The following SUMF1 variants were observed in gnomAD, a reference collection of about 807,000 sequenced individuals.
SUMF1 encodes the protein formylglycine-generating enzyme.
SUMF1 carries 48 observed loss-of-function variants against 47.6 expected under a neutral mutation model. That is an observed-to-expected ratio of 1.01 (90% confidence interval 0.80 to 1.28). The LOEUF is 1.28. Ranked by LOEUF, SUMF1 falls within the 50% of genes most tolerant of loss-of-function variation. The pLI, the probability that SUMF1 is intolerant of heterozygous loss-of-function variation, is 0.00. For synonymous variants in SUMF1, 230 were observed against 192.1 expected (o/e 1.20, Z -1.63); for missense variants, 571 against 485.4 (o/e 1.18, Z -1.66).
chr3:4,273,127 T>C (rs114097816), intron 8 of SUMF1, among the ~76,000 whole-genome samples: 7,944 of 148,088 alleles, frequency 0.054, 242 homozygotes, highest in South Asian at 0.09. Flanking sequence ...TACACACACA[T>C]ATATATATAT....
At chr3:4,368,002 A>G (rs79235972) in intron 8 of SUMF1, among the ~76,000 whole-genome samples, 88,453 of 151,366 alleles carry the variant, frequency 0.58, 26,221 homozygotes, top group East Asian at 0.76. Context: ...TAATTAAACT[A>G]AAGAGCTTCT....
At chr3:4,124,905 G>A (rs1305763750) in intron 8 of SUMF1, among the ~76,000 whole-genome samples, 3 of 151,716 alleles carry the variant, frequency 2.0e-5, no homozygotes, top group African/African-American at 4.8e-5. Flanking sequence ...TCTATAATGT[G>A]GTACATATAA....
At chr3:4,356,536 A>G (rs1211328789), downstream of SUMF1, among the ~76,000 whole-genome samples, 2 of 152,020 alleles carry the variant, frequency 1.3e-5, no homozygotes, top group Non-Finnish European at 2.9e-5. Flanking sequence ...TTGCTAGTAC[A>G]TTACTTACTT....
chr3:4,090,054 G>T (rs551385459), intron 8 of SUMF1, among the ~76,000 whole-genome samples: 1 of 152,232 alleles, frequency 6.6e-6, no homozygotes, highest in East Asian at 1.9e-4. Context: ...GACCACATAT[G>T]ATTTTGTTGA....
chr3:4,192,840 C>CCAGAGT (rs1695349616), intron 8 of SUMF1, among the ~76,000 whole-genome samples: 1 of 151,984 alleles, frequency 6.6e-6, no homozygotes, highest in Non-Finnish European at 1.5e-5. Flanking sequence ...CTCTGGATGC[C>CCAGAGT]AAGGCTCAGG....
chr3:4,234,924 T>A (rs975113207), intron 8 of SUMF1, among the ~76,000 whole-genome samples: 1 of 152,166 alleles, frequency 6.6e-6, no homozygotes, highest in Non-Finnish European at 1.5e-5. Flanking sequence ...TATGTAGATG[T>A]GTGTGTGTAT....
At chr3:4,363,469 T>TAG (rs1354445421) in intron 8 of SUMF1, among the ~76,000 whole-genome samples, 3 of 151,884 alleles carry the variant, frequency 2.0e-5, no homozygotes, top group African/African-American at 7.3e-5. Flanking sequence ...CTAGGTATTT[T>TAG]ATTCTCTTTG....
At chr3:4,213,914 T>C (rs763969103) in intron 8 of SUMF1, among the ~76,000 whole-genome samples, 1 of 152,122 alleles carries the variant, frequency 6.6e-6, no homozygotes, top group Admixed American at 6.5e-5. Flanking sequence ...ATAAAGCAAG[T>C]TCTTAGAGAC....
At chr3:4,283,983 A>C (rs535010974) in intron 8 of SUMF1, among the ~76,000 whole-genome samples, 5 of 152,280 alleles carry the variant, frequency 3.3e-5, no homozygotes, top group African/African-American at 1.2e-4. Context: ...ATCATCTTCC[A>C]AATGTCTCAC....
At chr3:4,319,839 C>T (rs969110907) in intron 8 of SUMF1, among the ~76,000 whole-genome samples, 1 of 152,142 alleles carries the variant, frequency 6.6e-6, no homozygotes, top group Non-Finnish European at 1.5e-5. Flanking sequence ...AATGAGCTAT[C>T]GAGCCACAGA....
chr3:4,274,001 T>G (rs148181568), intron 8 of SUMF1, among the ~76,000 whole-genome samples: 239 of 152,048 alleles, frequency 1.6e-3, no homozygotes, highest in African/African-American at 5.5e-3. Context: ...ACCTCAATGT[T>G]TAGCATCTAA....
intron 7 of SUMF1, among the ~76,000 whole-genome samples, chr3:4,400,211 T>G (rs535345734): frequency 1.3e-5 from 2 of 152,280 alleles, no homozygotes; most frequent in African/African-American, 4.8e-5. Flanking sequence ...TGGATGCAAC[T>G]AAGGGAGCCA....
At chr3:4,158,444 A>G (rs920402954) in intron 8 of SUMF1, among the ~76,000 whole-genome samples, 3 of 151,544 alleles carry the variant, frequency 2.0e-5, no homozygotes, top group African/African-American at 7.3e-5. Context: ...ATAAAATGTT[A>G]TATAAATATC....
chr3:4,418,383 G>A (rs1460230762), intron 4 of SUMF1, among the ~76,000 whole-genome samples: 3 of 152,184 alleles, frequency 2.0e-5, no homozygotes, highest in Admixed American at 1.3e-4. Context: ...TTGTAGGCTC[G>A]GATTCCCACA....
intron 8 of SUMF1, among the ~76,000 whole-genome samples, chr3:4,240,869 T>C (rs1696522046): frequency 6.6e-6 from 1 of 151,956 alleles, no homozygotes; most frequent in Non-Finnish European, 1.5e-5. Flanking sequence ...AAGATTTTTT[T>C]CCTACGGAAC....
chr3:4,363,272 T>C (rs1201836340), intron 8 of SUMF1, among the ~76,000 whole-genome samples: 1 of 152,230 alleles, frequency 6.6e-6, no homozygotes, highest in Non-Finnish European at 1.5e-5. Flanking sequence ...TATCATTTAA[T>C]GCCAGTAGAT....
At chr3:4,332,666 A>T (rs112713385) in intron 8 of SUMF1, among the ~76,000 whole-genome samples, 1,664 of 152,268 alleles carry the variant, frequency 0.011, 22 homozygotes, top group African/African-American at 0.037. Flanking sequence ...GTATTTTGGA[A>T]TTTTGGCTTA....
At chr3:4,132,632 C>T (rs1262631458) in intron 8 of SUMF1, among the ~76,000 whole-genome samples, 1 of 152,062 alleles carries the variant, frequency 6.6e-6, no homozygotes, top group Non-Finnish European at 1.5e-5. Context: ...GCCTAGACGT[C>T]TTAGTTCCTG....
At chr3:4,083,440 A>G (rs1692608586) in intron 8 of SUMF1, among the ~76,000 whole-genome samples, 1 of 152,106 alleles carries the variant, frequency 6.6e-6, no homozygotes, top group Non-Finnish European at 1.5e-5. Flanking sequence ...AGGATGTGTC[A>G]GCAAACCAGA....
Sources: gnomAD v4.1 joint callset for allele counts (sites outside exome capture counted in the v4.1 genomes callset) on GRCh38, gnomAD v4.1.1 for gene constraint, MANE v1.5 for transcripts, NCBI Gene and HGNC (gene_info 2026-07-23, HGNC 2026-07-21) for gene names.